The following CELF2 variants were observed in gnomAD, a reference collection of about 807,000 sequenced individuals.
CELF2 encodes CUG triplet repeat RNA-binding protein 2.
Under a neutral mutation model 62.6 loss-of-function variants are expected in CELF2, and 8 were observed. The observed-to-expected ratio is 0.13, with a 90% CI of 0.07 to 0.23. CELF2 has a LOEUF of 0.23. Ranked by LOEUF, CELF2 falls within the 10% of genes least tolerant of loss-of-function variation. CELF2 has a pLI of 1.00. For missense variants in CELF2, 333 were observed against 671.0 expected (o/e 0.50, Z 5.56); for synonymous variants, 258 against 250.0 (o/e 1.03, Z -0.30).
chr10:11,033,221 T>C (rs1001054781), intron 1 of CELF2, among the ~76,000 whole-genome samples: 10 of 152,046 alleles, frequency 6.6e-5, no homozygotes, highest in Non-Finnish European at 1.3e-4. Context: ...ATGAATTCTT[T>C]CTGTGAATCA....
chr10:10,932,949 T>G (rs560292218), intron 2 of CELF2, among the ~76,000 whole-genome samples: 1 of 152,098 alleles, frequency 6.6e-6, no homozygotes, highest in East Asian at 1.9e-4. Flanking sequence ...GAAAAGTAGA[T>G]AGAAGCCAGA....
In CELF2 at chr10:10,947,529, GTTGA is replaced by G. The variant is rs1428094746; in HGVS notation, c.89+27533_89+27536del. The G allele has an allele frequency of 2.6e-5, 4 of 152,642 alleles. No individual in the cohort carries two copies. Among genetic ancestry groups the G allele is most frequent in the African/African-American group, 7.2e-5 (3 of 41,458 alleles). 9.5% of individuals were successfully genotyped at this position (152,642 alleles called of 1,614,324 possible). On this transcript the variant is annotated intron_variant, in intron 2 of 13. Coordinates refer to the CELF2 transcript ENST00000636488. The surrounding 1 kb of genome is among the most constrained non-coding windows in gnomAD (Gnocchi z 4.1). Reference sequence around the variant, plus strand: ...GGTCAGATTAACATTCCCCGAATTTGTTGATTATTTCGTGTTGTGTTGAATTCCT... The same window carrying G: ...GGTCAGATTAACATTCCCCGAATTTGTTATTTCGTGTTGTGTTGAATTCCT...
chr10:11,268,657 C>A lies in CELF2; in HGVS notation c.618+1980C>A, dbSNP rs2082841875. Among the ~76,000 whole-genome samples the A allele has an allele frequency of 6.6e-6, 1 of 151,452 alleles. No individual in the cohort carries two copies. The highest frequency in any genetic ancestry group is 6.6e-5 in the Admixed American group (1 of 15,202). ...TGGTGTTTAAAACTGGACATTCATG[C>A]TTACACAGAGGGGTCCTCTGACACT... On this transcript the variant is annotated intron_variant, in intron 6 of 12. Transcript: ENST00000633077. The surrounding 1 kb of genome is among the most constrained non-coding windows in gnomAD (Gnocchi z 4.7).
rs73583233 is a variant in CELF2, at chr10:11,306,007, A to G, written c.977-8132A>G. The stretch of plus-strand genomic sequence containing the variant: ...AACCATGGCCATCCTTGCCTGCTCA[A>G]CCATTCTCTTTCCTGGCACGCCAGC... On this transcript the variant is annotated intron_variant, in intron 9 of 12. Coordinates refer to ENST00000633077, the MANE Select transcript of CELF2 (RefSeq NM_001326342.2). This position sits in a 1 kb window ranked among gnomAD's most constrained non-coding sequence, Gnocchi z 4.4. Among the ~76,000 whole-genome samples, 13,910 of 150,172 alleles carry G rather than the reference A, an allele frequency of 0.093. 701 individuals are homozygous for G. Among genetic ancestry groups the G allele is most frequent in the Middle Eastern group, 0.13 (37 of 288 alleles).
intron 1 of CELF2, among the ~76,000 whole-genome samples, chr10:10,816,996 G>A (rs539205432): frequency 6.6e-6 from 1 of 152,330 alleles, no homozygotes; most frequent in African/African-American, 2.4e-5. Context: ...ATAAGGTGGT[G>A]TCAGCAATTC....
At chr10:10,949,353 T>A (rs1198592193) in intron 2 of CELF2, among the ~76,000 whole-genome samples, 1 of 152,244 alleles carries the variant, frequency 6.6e-6, no homozygotes, top group East Asian at 1.9e-4. Flanking sequence ...GCTGTGCCTC[T>A]AGTGATCTCC....
At chr10:11,196,986 A>G (rs1308745382) in intron 2 of CELF2, among the ~76,000 whole-genome samples, 2 of 73,532 alleles carry the variant, frequency 2.7e-5, no homozygotes, top group South Asian at 3.4e-4. Flanking sequence ...AGAGAGAAAG[A>G]AAGAAAGGAA....
the CELF2 span, among the ~76,000 whole-genome samples, chr10:10,754,060 G>GGGTTTT: frequency 2.2e-5 from 1 of 44,690 alleles, no homozygotes; most frequent in Admixed American, 3.3e-4. Flanking sequence ...ATGCTGAGGT[G>GGGTTTT]GTTTTTTTTT....
rs565828788 is a variant in CELF2, at chr10:11,084,118, T to G, written c.74+65955T>G. On this transcript the variant is annotated intron_variant, in intron 1 of 12. Transcript: ENST00000633077. The stretch of plus-strand genomic sequence containing the variant: ...GGAAACTGTCGCTTGGAAGATTCAT[T>G]TTCCTCCAGAAGAATTTACTATCTT... Among the ~76,000 whole-genome samples the G allele has an allele frequency of 3.9e-5, 6 of 152,354 alleles. No homozygotes were observed. In the East Asian group the frequency reaches 1.2e-3, roughly 29 times the overall value.
intron 1 of CELF2, among the ~76,000 whole-genome samples, chr10:10,799,643 C>A (rs1348493680): frequency 8.8e-6 from 1 of 113,822 alleles, no homozygotes. Flanking sequence ...ACTGAATGGG[C>A]AGAATGTATG....
chr10:10,581,060 GT>G, the CELF2 span, among the ~76,000 whole-genome samples: 1 of 152,184 alleles, frequency 6.6e-6, no homozygotes, highest in Non-Finnish European at 1.5e-5. Context: ...GTGTTTTTGT[GT>G]TTTAAATGTT....
intron 1 of CELF2, among the ~76,000 whole-genome samples, chr10:10,873,889 C>T (rs114899276): frequency 0.014 from 2,119 of 152,238 alleles, 28 homozygotes; most frequent in Middle Eastern, 0.037. Flanking sequence ...AAAGCTGATG[C>T]GGGCAGGTGG....
chr10:10,927,364 A>AC (rs1261202834), intron 2 of CELF2: 1 of 151,154 alleles, frequency 6.6e-6, no homozygotes, highest in Non-Finnish European at 1.5e-5. Flanking sequence ...AAAAAAAAAA[A>AC]AACACCTTTT....
At position 11,330,264 on chromosome 10, in the gene CELF2, C is replaced by A. The variant is rs1017812277; in HGVS notation, c.*1211C>A. 6.6e-6 allele frequency: 1 copy of A among 152,592 alleles called. No homozygotes were observed. The highest frequency in any genetic ancestry group is 2.4e-5 in the African/African-American group (1 of 41,416). The allele number at this position is 152,592 out of a possible 1,614,324, so 9.5% of individuals were successfully genotyped here. A position where few individuals can be genotyped will look rare whatever the true frequency, so the allele number is the denominator to read the frequency against. ...CGGAATCCATCCCGTTTCGCTCTCT[C>A]CAGATGGATTCTCTTGGGGTTTCAT... On this transcript the variant is annotated 3_prime_UTR_variant, in exon 13 of 13. Transcript: ENST00000633077. This position sits in a 1 kb window ranked among gnomAD's most constrained non-coding sequence, Gnocchi z 4.5.
chr10:11,002,658 GGTGCCT>G (rs941380645), upstream of CELF2, among the ~76,000 whole-genome samples: 1 of 152,130 alleles, frequency 6.6e-6, no homozygotes, highest in African/African-American at 2.4e-5. The surrounding 1 kb of genome is among the most constrained non-coding windows in gnomAD (Gnocchi z 4.4). Context: ...AGGAACCAGC[GGTGCCT>G]GCCCACTATG....
intron 1 of CELF2, among the ~76,000 whole-genome samples, chr10:11,031,474 A>T (rs574428674): frequency 3.3e-5 from 5 of 152,316 alleles, no homozygotes; most frequent in African/African-American, 1.2e-4. Flanking sequence ...TAGATACCCA[A>T]TGTAAAGGAA....
chr10:10,912,394 C>CT (rs532701860), intron 1 of CELF2, among the ~76,000 whole-genome samples: 98 of 150,136 alleles, frequency 6.5e-4, no homozygotes, highest in East Asian at 2.1e-3. Flanking sequence ...ATGGGACTTA[C>CT]TTTTTTTTTT....
intron 1 of CELF2, among the ~76,000 whole-genome samples, chr10:11,141,354 AC>A (rs2061328324): frequency 6.6e-6 from 1 of 152,214 alleles, no homozygotes; most frequent in African/African-American, 2.4e-5. Flanking sequence ...ACATTTGAGG[AC>A]CAGGGGGCCG....
intron 1 of CELF2, among the ~76,000 whole-genome samples, chr10:10,912,439 G>A (rs2063896557): frequency 6.6e-6 from 1 of 152,002 alleles, no homozygotes; most frequent in African/African-American, 2.4e-5. Context: ...GCGCGATCTC[G>A]GCTCACTGCA....
Sources: gnomAD v4.1 joint callset for allele counts (sites outside exome capture counted in the v4.1 genomes callset) on GRCh38, gnomAD v4.1.1 for gene constraint, Gnocchi (gnomAD v3.1) non-coding constraint, MANE v1.5 for transcripts, NCBI Gene and HGNC (gene_info 2026-07-23, HGNC 2026-07-21) for gene names.